TBC1D22A: variants seen among roughly 807,000 people sequenced by gnomAD.
TBC1D22A encodes putative GTPase activator.
Under a neutral mutation model 60.2 loss-of-function variants are expected in TBC1D22A, and 38 were observed. The observed-to-expected ratio is 0.63, with a 90% confidence interval of 0.49 to 0.83. The LOEUF (loss-of-function observed/expected upper bound fraction) is 0.83. Ranked by LOEUF, TBC1D22A falls within the 40% of genes least tolerant of loss-of-function variation. TBC1D22A has a pLI of 0.00. For missense variants in TBC1D22A, 628 were observed against 701.0 expected, an observed-to-expected ratio of 0.90 and a Z score of 1.18; for synonymous variants, 302 against 281.7, an observed-to-expected ratio of 1.07 and a Z score of -0.72.
intron 8 of TBC1D22A, among the ~76,000 whole-genome samples, chr22:46,928,546 G>A (rs2071175902): frequency 6.6e-6 from 1 of 152,044 alleles, no homozygotes; most frequent in Non-Finnish European, 1.5e-5. Flanking sequence ...AAAGCAAAAG[G>A]GACAAAGGAT....
chr22:46,904,112 T>TATC (rs1433049035), intron 7 of TBC1D22A, among the ~76,000 whole-genome samples: 1 of 68,400 alleles, frequency 1.5e-5, no homozygotes, highest in Non-Finnish European at 2.9e-5. Context: ...TCTATCTATC[T>TATC]ATCTATCTAT....
rs1284361620 is a variant in TBC1D22A, at chr22:46,825,329, C to A, written c.637+27709C>A. ...TGCTGTGTTTCCTCTCTGCAGGGGCCCAGCTCCCCTCACCAGCACAGGGGA... is the reference window on the plus strand; with the variant it reads ...TGCTGTGTTTCCTCTCTGCAGGGGCACAGCTCCCCTCACCAGCACAGGGGA... On this transcript the variant is annotated intron_variant, in intron 4 of 12. Coordinates refer to ENST00000337137, the MANE Select transcript of TBC1D22A (RefSeq NM_014346.5). Among the ~76,000 whole-genome samples, 2 of 152,096 alleles carry A rather than the reference C, an allele frequency of 1.3e-5. 1 individual carries two copies. Among genetic ancestry groups the A allele is most frequent in the Non-Finnish European group, 2.9e-5 (2 of 68,012 alleles).
chr22:46,793,658 G>T lies in TBC1D22A; in HGVS notation c.277G>T (p.Val93Leu), dbSNP rs769747383. Residue 93 changes from valine to leucine, a missense_variant, in exon 3 of 13, where the codon GTG becomes TTG. Val to Leu is a conservative substitution (Grantham distance 32). Transcript: ENST00000337137. Reference protein sequence around the residue: ...AMAAESLNSEVVMETANRVLR... With the variant: ...AMAAESLNSELVMETANRVLR... ...GGCGGCGGAGAGCCTGAACTCCGAG[G>T]TGGTCATGGAGACGGCCAACCGTGT... The T allele has an allele frequency of 1.9e-6, 3 of 1,613,556 alleles. No homozygotes were observed.
At chr22:46,959,100 C>T (rs1399549632) in intron 8 of TBC1D22A, among the ~76,000 whole-genome samples, 1 of 152,180 alleles carries the variant, frequency 6.6e-6, no homozygotes, top group Non-Finnish European at 1.5e-5. Flanking sequence ...CCAGACAGAG[C>T]GTTTCTTGTT....
intron 12 of TBC1D22A, among the ~76,000 whole-genome samples, chr22:47,157,674 C>G (rs916803018): frequency 6.6e-6 from 1 of 152,226 alleles, no homozygotes; most frequent in African/African-American, 2.4e-5. Context: ...TCTGGTTCCA[C>G]AGCTCGCTGA....
At chr22:47,100,733 A>C (rs2065382208) in intron 11 of TBC1D22A, among the ~76,000 whole-genome samples, 1 of 152,158 alleles carries the variant, frequency 6.6e-6, no homozygotes, top group Non-Finnish European at 1.5e-5. Flanking sequence ...TGTAAATCCG[A>C]TTAAACCTCT....
intron 4 of TBC1D22A, among the ~76,000 whole-genome samples, chr22:46,831,736 A>G (rs2086317365): frequency 6.6e-6 from 1 of 152,210 alleles, no homozygotes. Flanking sequence ...AATGGAAACA[A>G]TGCACCTATA....
At chr22:47,035,137 T>C (rs1200666844) in intron 10 of TBC1D22A, among the ~76,000 whole-genome samples, 2 of 152,218 alleles carry the variant, frequency 1.3e-5, no homozygotes, top group South Asian at 4.1e-4. Context: ...CTGTAGCAAC[T>C]GAGTATCTGA....
In TBC1D22A at chr22:46,762,768, T is replaced by G. The variant is rs2083142880; in HGVS notation, c.-19T>G. 1 of 1,430,688 alleles carries G rather than the reference T, an allele frequency of 7.0e-7. No homozygotes were observed. The highest frequency in any genetic ancestry group is 1.5e-5 in the African/African-American group (1 of 65,524). 88.6% of individuals were successfully genotyped at this position (1,430,688 alleles called of 1,614,324 possible). Reference sequence around the variant, plus strand: ...ACTCGGGGTGTCTGGGCCGCGGGTCTGAGGGATGAGGAGGGGCCATGGCCA... The same window carrying G: ...ACTCGGGGTGTCTGGGCCGCGGGTCGGAGGGATGAGGAGGGGCCATGGCCA... On this transcript the variant is annotated 5_prime_UTR_variant, in exon 1 of 13. Transcript: ENST00000337137.
intron 4 of TBC1D22A, among the ~76,000 whole-genome samples, chr22:46,827,931 T>G (rs2086142003): frequency 6.6e-6 from 1 of 152,228 alleles, no homozygotes; most frequent in South Asian, 2.1e-4. Context: ...ATGGCATGGG[T>G]GCTCCCCTTT....
rs142245688 is a variant in TBC1D22A, at chr22:47,105,927, G to A, written c.1330-5581G>A. The stretch of plus-strand genomic sequence containing the variant: ...CTACAGAGATTTTAGAATTATCTGC[G>A]ACATGCTATAAAAATAAGCTTATAC... On this transcript the variant is annotated intron_variant, in intron 11 of 12. Transcript: ENST00000337137. Among the ~76,000 whole-genome samples the A allele has an allele frequency of 4.3e-3, 658 of 152,280 alleles. 3 individuals are homozygous for A. Among genetic ancestry groups the A allele is most frequent in the Middle Eastern group, 0.014 (4 of 294 alleles).
intron 12 of TBC1D22A, among the ~76,000 whole-genome samples, chr22:47,123,075 T>C (rs777473616): frequency 6.6e-6 from 1 of 152,170 alleles, no homozygotes; most frequent in African/African-American, 2.4e-5. Flanking sequence ...TTAATGACGA[T>C]GAGGTCTCAG....
chr22:47,020,432 G>T (rs1251826724), intron 10 of TBC1D22A, among the ~76,000 whole-genome samples: 6 of 152,180 alleles, frequency 3.9e-5, no homozygotes, highest in Non-Finnish European at 7.3e-5. Flanking sequence ...CTGCAGATGG[G>T]ATGACTCGTT....
chr22:47,097,781 T>C, intron 11 of TBC1D22A, among the ~76,000 whole-genome samples: 1 of 152,234 alleles, frequency 6.6e-6, no homozygotes, highest in Admixed American at 6.5e-5. Flanking sequence ...CAAAAGTGTC[T>C]TGCATATATT....
intron 8 of TBC1D22A, among the ~76,000 whole-genome samples, chr22:46,932,461 G>C (rs1167571162): frequency 6.6e-6 from 1 of 152,210 alleles, no homozygotes; most frequent in African/African-American, 2.4e-5. Flanking sequence ...AGTGACAGTG[G>C]TGTGTAGGGT....
chr22:46,965,329 C>T (rs560822293), intron 8 of TBC1D22A, among the ~76,000 whole-genome samples: 10 of 152,328 alleles, frequency 6.6e-5, no homozygotes, highest in African/African-American at 2.4e-4. Context: ...TCATTTGTTA[C>T]GGGGCCTTGT....
At chr22:46,903,696 G>C (rs1459771135) in intron 7 of TBC1D22A, among the ~76,000 whole-genome samples, 1 of 152,228 alleles carries the variant, frequency 6.6e-6, no homozygotes, top group Non-Finnish European at 1.5e-5. Flanking sequence ...GCACACAGGA[G>C]TGTATTTCCT....
intron 4 of TBC1D22A, among the ~76,000 whole-genome samples, chr22:46,830,221 T>A (rs1239250545): frequency 6.6e-6 from 1 of 152,176 alleles, no homozygotes; most frequent in Admixed American, 6.5e-5. Flanking sequence ...CAGGCTGGCA[T>A]GGTGGATGGT....
Position 46,900,014 on chromosome 22 carries a change from A to G in TBC1D22A, c.900+5168A>G, listed in dbSNP as rs1175713546. 1.3e-4 allele frequency among the ~76,000 whole-genome samples: 19 copies of G among 143,854 alleles called. No homozygotes were observed. The Admixed American group carries it at 1.4e-3, about 10-fold the overall frequency. 94.4% of individuals were successfully genotyped at this position (143,854 alleles called of 152,430 possible). A position where few individuals can be genotyped will look rare whatever the true frequency, so the allele number is the denominator to read the frequency against. On this transcript the variant is annotated intron_variant, in intron 7 of 12. Transcript: ENST00000337137. ...CATTCCACAGGTGATGGCTGGGTCC[A>G]CTGTGATCAGTTTCTACTTTCCTTC...
Sources: allele counts gnomAD v4.1 joint callset (sites outside exome capture counted in the v4.1 genomes callset), GRCh38; gene constraint gnomAD v4.1.1; transcripts MANE v1.5; gene names NCBI Gene and HGNC (gene_info 2026-07-23, HGNC 2026-07-21).